Variants in SULT1E1 observed in about 807,000 individuals in gnomAD.
The protein encoded by SULT1E1 is sulfotransferase 1E1.
Under a neutral mutation model 33.6 loss-of-function variants are expected in SULT1E1, and 36 were observed. The observed-to-expected ratio is 1.07, with a 90% confidence interval of 0.82 to 1.41. The LOEUF is 1.41. SULT1E1 is among the 40% of genes most tolerant of loss of function. SULT1E1 has a pLI of 0.00. For synonymous variants in SULT1E1, 121 were observed against 111.7 expected, an observed-to-expected ratio of 1.08 and a Z score of -0.53; for missense variants, 371 against 345.7, an observed-to-expected ratio of 1.07 and a Z score of -0.58.
the SULT1E1 span, among the ~76,000 whole-genome samples, chr4:69,834,313 C>G: frequency 6.6e-6 from 1 of 152,192 alleles, no homozygotes; most frequent in Non-Finnish European, 1.5e-5. Context: ...TATCCATACC[C>G]TGCCTCAAAC....
chr4:69,827,351 CCCAGT>C, the SULT1E1 span, among the ~76,000 whole-genome samples: 1 of 152,114 alleles, frequency 6.6e-6, no homozygotes, highest in East Asian at 1.9e-4. Context: ...GCACGCTGTC[CCCAGT>C]ATGGATCCCC....
At chr4:69,833,107 A>G in the SULT1E1 span, among the ~76,000 whole-genome samples, 1 of 152,010 alleles carries the variant, frequency 6.6e-6, no homozygotes, top group Non-Finnish European at 1.5e-5. Flanking sequence ...CTGCCTCACT[A>G]TATGTGCCTA....
At chr4:69,827,113 G>A in the SULT1E1 span, among the ~76,000 whole-genome samples, 26 of 152,140 alleles carry the variant, frequency 1.7e-4, no homozygotes, top group Non-Finnish European at 4.4e-5. Context: ...AGGTAGACCT[G>A]GGGAAGCTTT....
intron 6 of SULT1E1, among the ~76,000 whole-genome samples, chr4:69,846,147 A>G (rs899991981): frequency 6.7e-6 from 1 of 150,060 alleles, no homozygotes; most frequent in Non-Finnish European, 1.5e-5. Flanking sequence ...TTTAAAAATT[A>G]TGAGATATAT....
the SULT1E1 span, among the ~76,000 whole-genome samples, chr4:69,830,909 C>T: frequency 2.6e-5 from 4 of 152,234 alleles, no homozygotes; most frequent in South Asian, 8.3e-4. Flanking sequence ...CAAAAGCTCA[C>T]TCTGCCCCCT....
rs1373462403 is a variant in SULT1E1 at position 69,855,312 on chromosome 4, T to G, written c.260A>C (p.Asn87Thr). The change falls in exon 3 of 8, where the codon AAC becomes ACC. Residue 87 changes from asparagine to threonine, a missense_variant. Coordinates refer to ENST00000226444, the MANE Select transcript of SULT1E1 (RefSeq NM_005420.3). ...AACTTGAACGTTACCATTCATGAGG[T>G]TTTCTTTTCTGCATTCCAGGAAAGG... ...RIPFLECRKE[N>T]LMNGVKQLDE... 2 of 1,612,314 alleles carry G rather than the reference T, an allele frequency of 1.2e-6. No individual in the cohort carries two copies. The highest frequency in any genetic ancestry group is 1.7e-6 in the Non-Finnish European group (2 of 1,179,070).
the SULT1E1 span, among the ~76,000 whole-genome samples, chr4:69,827,299 T>C: frequency 2.6e-5 from 4 of 152,130 alleles, no homozygotes; most frequent in East Asian, 1.9e-4. Flanking sequence ...AAGTAAATGA[T>C]AGAATGACAG....
At chr4:69,821,243 A>G in the SULT1E1 span, among the ~76,000 whole-genome samples, 9 of 152,318 alleles carry the variant, frequency 5.9e-5, no homozygotes, top group Admixed American at 5.2e-4. Context: ...ATGCAAAACT[A>G]TCCTACGTTT....
chr4:69,840,173 C>T (rs1027661082), downstream of SULT1E1, among the ~76,000 whole-genome samples: 3 of 152,028 alleles, frequency 2.0e-5, no homozygotes, highest in African/African-American at 7.2e-5. Flanking sequence ...TTCCAAGACT[C>T]TCCAATTTTT....
chr4:69,840,722 T>C (rs2110063877), downstream of SULT1E1, among the ~76,000 whole-genome samples: 1 of 152,266 alleles, frequency 6.6e-6, no homozygotes. Context: ...TAGACTAAGG[T>C]AAATTTAAAA....
chr4:69,828,416 A>T, the SULT1E1 span, among the ~76,000 whole-genome samples: 1 of 152,040 alleles, frequency 6.6e-6, no homozygotes, highest in Non-Finnish European at 1.5e-5. Flanking sequence ...GGAACAAACA[A>T]CTCTGGACAT....
chr4:69,829,600 T>A, the SULT1E1 span, among the ~76,000 whole-genome samples: 262 of 152,276 alleles, frequency 1.7e-3, 3 homozygotes, highest in African/African-American at 5.9e-3. Context: ...AAAGTTACAT[T>A]CCCTTGCCAC....
intron 6 of SULT1E1, among the ~76,000 whole-genome samples, chr4:69,844,955 C>G (rs1720945413): frequency 6.6e-6 from 1 of 152,046 alleles, no homozygotes; most frequent in South Asian, 2.1e-4. Context: ...CTATGCCAAT[C>G]AAATGCTGTT....
chr4:69,827,234 A>T, the SULT1E1 span, among the ~76,000 whole-genome samples: 1 of 152,282 alleles, frequency 6.6e-6, no homozygotes, highest in South Asian at 2.1e-4. Flanking sequence ...CTTTAATGAA[A>T]AGAATGTGGC....
In SULT1E1 at chr4:69,841,855, A is replaced by G. The variant is rs540828705; in HGVS notation, c.*139T>C. On this transcript the variant is annotated 3_prime_UTR_variant, in exon 8 of 8. Transcript: ENST00000226444. ...GACTCTGTCTCAAAAAAAAAAAAAA[A>G]AAGTTAAACAAAAATTTAAAAAGAA... 2.9e-5 allele frequency: 16 copies of G among 548,250 alleles called. No individual in the cohort carries two copies. The African/African-American group carries it at 3.1e-4, about 11-fold the overall frequency. The allele number at this position is 548,250 out of a possible 1,614,324, so 34.0% of individuals were successfully genotyped here.
intron 2 of SULT1E1, 122 bp from the exon 3 acceptor site, chr4:69,855,548 A>C (rs1012574254): frequency 1.2e-6 from 1 of 852,312 alleles, no homozygotes; most frequent in African/African-American, 1.7e-5. Flanking sequence ...AGGGTGTCTG[A>C]ATAGCCACAG....
intron 4 of SULT1E1, among the ~76,000 whole-genome samples, chr4:69,851,316 T>C (rs952624701): frequency 6.6e-6 from 1 of 152,014 alleles, no homozygotes; most frequent in Non-Finnish European, 1.5e-5. Context: ...GGGTGAAGGA[T>C]ATGAACAGAC....
chr4:69,857,798 T>A (rs1221368721), intron 1 of SULT1E1, 145 bp from the exon 2 acceptor site: 1 of 620,140 alleles, frequency 1.6e-6, no homozygotes, highest in African/African-American at 1.9e-5. Flanking sequence ...AAGTTGCATA[T>A]CAAATAGTTT....
At chr4:69,850,103 C>A (rs983546213) in intron 4 of SULT1E1, among the ~76,000 whole-genome samples, 1 of 151,960 alleles carries the variant, frequency 6.6e-6, no homozygotes, top group Non-Finnish European at 1.5e-5. Flanking sequence ...ATAACCTCTG[C>A]CAACACCTTG....
Sources: gnomAD v4.1 joint callset for allele counts (sites outside exome capture counted in the v4.1 genomes callset) on GRCh38, gnomAD v4.1.1 for gene constraint, MANE v1.5 for transcripts, NCBI Gene and HGNC (gene_info 2026-07-23, HGNC 2026-07-21) for gene names.